Variants in LHFPL6 observed in about 807,000 individuals in gnomAD.
The protein encoded by LHFPL6 is LHFPL tetraspan subfamily member 6.
LHFPL6 carries 9 observed loss-of-function variants against 20.6 expected under a neutral mutation model. That is an observed-to-expected ratio of 0.44 (90% CI 0.26 to 0.76). LHFPL6 has a LOEUF of 0.76. Among genes scored for constraint, LHFPL6 ranks in the 30% least tolerant of loss-of-function variants. The pLI is 0.20. For missense variants in LHFPL6, 218 were observed against 253.5 expected (o/e 0.86, Z 0.95); for synonymous variants, 105 against 98.7 (o/e 1.06, Z -0.38).
rs140546988 is a variant in LHFPL6 at position 39,422,022 on chromosome 13, C to T, written c.386-43496G>A. The stretch of plus-strand genomic sequence containing the variant: ...GGGTTTTTTATTGTTGCTACCATTA[C>T]TATTATTACTAATGATTAAGTCTTC... On this transcript the variant is annotated intron_variant, in intron 2 of 3. Coordinates refer to ENST00000379589, the MANE Select transcript of LHFPL6 (RefSeq NM_005780.3). Among the ~76,000 whole-genome samples, 1,009 of 152,258 alleles carry T rather than the reference C, an allele frequency of 6.6e-3. 17 individuals carry two copies. The highest frequency in any genetic ancestry group is 0.023 in the African/African-American group (954 of 41,558).
At chr13:39,440,553 A>C (rs916447234) in intron 2 of LHFPL6, among the ~76,000 whole-genome samples, 1 of 152,218 alleles carries the variant, frequency 6.6e-6, no homozygotes, top group Non-Finnish European at 1.5e-5. Context: ...ATCTCCAGTT[A>C]CATAGATAGG....
chr13:39,390,091 T>C (rs1870666788), intron 2 of LHFPL6, among the ~76,000 whole-genome samples: 1 of 152,166 alleles, frequency 6.6e-6, no homozygotes, highest in African/African-American at 2.4e-5. Flanking sequence ...TCTTCTTACA[T>C]ATTTCTAAGG....
intron 2 of LHFPL6, among the ~76,000 whole-genome samples, chr13:39,444,210 G>T (rs1872223609): frequency 6.6e-6 from 1 of 152,112 alleles, no homozygotes; most frequent in African/African-American, 2.4e-5. Context: ...GCTGTGCATA[G>T]CTTCTTTTAG....
At chr13:39,559,524 A>G (rs771865090) in intron 2 of LHFPL6, among the ~76,000 whole-genome samples, 1 of 152,230 alleles carries the variant, frequency 6.6e-6, no homozygotes, top group East Asian at 1.9e-4. Flanking sequence ...CACTTCCTCC[A>G]GTGCCATTCC....
intron 3 of LHFPL6, among the ~76,000 whole-genome samples, chr13:39,378,078 T>C (rs909304394): frequency 2.0e-5 from 3 of 152,250 alleles, no homozygotes; most frequent in African/African-American, 7.2e-5. Context: ...TTGACTATTT[T>C]GTTGTCACCT....
At chr13:39,538,316 G>C (rs1870691090) in intron 2 of LHFPL6, among the ~76,000 whole-genome samples, 1 of 151,156 alleles carries the variant, frequency 6.6e-6, no homozygotes. Context: ...AAAATAATTT[G>C]TTGACTAAGC....
intron 2 of LHFPL6, among the ~76,000 whole-genome samples, chr13:39,510,998 G>A (rs544836313): frequency 2.3e-4 from 35 of 151,850 alleles, no homozygotes; most frequent in African/African-American, 7.5e-4. Context: ...TCAGCTTCCC[G>A]AGTAGGTGAA....
At chr13:39,382,930 A>C (rs919066133) in intron 2 of LHFPL6, among the ~76,000 whole-genome samples, 2 of 152,152 alleles carry the variant, frequency 1.3e-5, no homozygotes, top group African/African-American at 4.8e-5. Context: ...AAATTTGAGA[A>C]ACATTTCTGG....
At position 39,601,001 on chromosome 13, in the gene LHFPL6, G is replaced by A. The variant is rs1272770546; in HGVS notation, c.216C>T (p.Ala72=). Residue 72 remains alanine (A), a synonymous_variant, in exon 2 of 4, where the codon GCC becomes GCT. Transcript: ENST00000379589. ...CTGCGCTGGGGATGCCCTGGAAGGAGGCATAGCGCCCACATTCCTCCACCA... is the reference window on the plus strand; with the variant it reads ...CTGCGCTGGGGATGCCCTGGAAGGAAGCATAGCGCCCACATTCCTCCACCA... ...MVMVEECGRY[A]SFQGIPSAEW... 1 of 1,614,064 alleles carries A rather than the reference G, an allele frequency of 6.2e-7. No homozygotes were observed.
intron 3 of LHFPL6, among the ~76,000 whole-genome samples, chr13:39,374,308 T>C (rs1184156982): frequency 6.6e-6 from 1 of 152,122 alleles, no homozygotes; most frequent in Non-Finnish European, 1.5e-5. Context: ...TCATTTATAT[T>C]AATAAGTGGG....
intron 2 of LHFPL6, among the ~76,000 whole-genome samples, chr13:39,468,210 A>G (rs1056857604): frequency 6.6e-6 from 1 of 152,176 alleles, no homozygotes; most frequent in African/African-American, 2.4e-5. Context: ...GTGCAAGCCT[A>G]TGTATTTGAT....
chr13:39,488,549 A>G (rs1426399950), intron 2 of LHFPL6, among the ~76,000 whole-genome samples: 2 of 152,118 alleles, frequency 1.3e-5, no homozygotes, highest in Non-Finnish European at 2.9e-5. Flanking sequence ...CAAAAATGCA[A>G]CTTCTAAGGC....
chr13:39,378,597 A>C (rs1870357386), intron 2 of LHFPL6, 71 bp from the exon 3 acceptor site: 6 of 1,125,232 alleles, frequency 5.3e-6, no homozygotes, highest in Non-Finnish European at 8.1e-6. Context: ...GGTGGGATCA[A>C]TATTTAGCAA....
chr13:39,388,473 G>A (rs548543541), intron 2 of LHFPL6, among the ~76,000 whole-genome samples: 7 of 152,232 alleles, frequency 4.6e-5, no homozygotes, highest in African/African-American at 9.6e-5. Context: ...CAATTTCTAC[G>A]TGACAGTTTT....
chr13:39,357,903 T>G (rs531761207), intron 3 of LHFPL6, among the ~76,000 whole-genome samples: 34 of 152,148 alleles, frequency 2.2e-4, no homozygotes, highest in African/African-American at 8.2e-4. Flanking sequence ...ATCAGAAACT[T>G]AAAAAGCTAC....
chr13:39,350,238 T>A (rs778924802), intron 3 of LHFPL6, among the ~76,000 whole-genome samples: 4 of 152,186 alleles, frequency 2.6e-5, no homozygotes, highest in Non-Finnish European at 4.4e-5. Context: ...ATAAACCAGA[T>A]ACAATAGGAT....
rs537431412 is a variant in LHFPL6, at chr13:39,530,679, C to G, written c.385+70153G>C. On this transcript the variant is annotated intron_variant, in intron 2 of 3. Transcript: ENST00000379589. The stretch of plus-strand genomic sequence containing the variant: ...TTTCATAAAACCTTTTCCTTCTTGA[C>G]ACTTTGTACAAAATGTCTTTTACAT... Among the ~76,000 whole-genome samples, 3 of 152,168 alleles carry G rather than the reference C, an allele frequency of 2.0e-5. No homozygotes were observed. In the South Asian group the frequency reaches 6.2e-4, roughly 32 times the overall value.
At chr13:39,396,489 T>G (rs1179208346) in intron 2 of LHFPL6, among the ~76,000 whole-genome samples, 1 of 152,166 alleles carries the variant, frequency 6.6e-6, no homozygotes, top group Non-Finnish European at 1.5e-5. Context: ...CTGATGTGAC[T>G]GGTGTCCTTA....
chr13:39,397,294 C>G (rs1010912), intron 2 of LHFPL6, among the ~76,000 whole-genome samples: 7,552 of 152,190 alleles, frequency 0.05, 190 homozygotes, highest in Middle Eastern at 0.071. Context: ...TCACGGCTCA[C>G]ATGCCCTAGA....
Sources: gnomAD v4.1 joint callset for allele counts (sites outside exome capture counted in the v4.1 genomes callset) on GRCh38, gnomAD v4.1.1 for gene constraint, MANE v1.5 for transcripts, NCBI Gene and HGNC (gene_info 2026-07-23, HGNC 2026-07-21) for gene names.